RAP1GDS1: variants seen among roughly 807,000 people sequenced by gnomAD.
RAP1GDS1 encodes RAP1, GTP-GDP dissociation stimulator 1.
A neutral mutation model predicts 71.1 loss-of-function variants in RAP1GDS1; 35 were observed. The ratio of observed to expected loss-of-function variants is 0.49; its 90% confidence interval spans 0.38 to 0.65. The LOEUF is 0.65. RAP1GDS1 is among the 30% of genes least tolerant of loss of function. RAP1GDS1 has a pLI of 0.00. For missense variants in RAP1GDS1, 663 were observed against 706.1 expected (o/e 0.94, Z 0.69); for synonymous variants, 229 against 243.1 (o/e 0.94, Z 0.54).
intron 5 of RAP1GDS1, among the ~76,000 whole-genome samples, chr4:98,387,117 A>T (rs1178431518): frequency 1.3e-5 from 2 of 152,192 alleles, no homozygotes; most frequent in Non-Finnish European, 2.9e-5. Flanking sequence ...GCAATATCAT[A>T]TCATTATACT....
At chr4:98,409,103 T>A (rs982929788) in intron 7 of RAP1GDS1, among the ~76,000 whole-genome samples, 3 of 152,186 alleles carry the variant, frequency 2.0e-5, no homozygotes, top group Non-Finnish European at 4.4e-5. Flanking sequence ...ATTATGCATA[T>A]TTAATTCAAA....
intron 1 of RAP1GDS1, among the ~76,000 whole-genome samples, chr4:98,269,152 A>C (rs1358513145): frequency 6.9e-6 from 1 of 144,120 alleles, no homozygotes; most frequent in Non-Finnish European, 1.5e-5. Context: ...TAAACCCAAG[A>C]ATTTACAGTC....
chr4:98,332,397 C>A (rs539757846), intron 2 of RAP1GDS1, among the ~76,000 whole-genome samples: 1 of 152,038 alleles, frequency 6.6e-6, no homozygotes, highest in Non-Finnish European at 1.5e-5. Flanking sequence ...TCCTTCAAGA[C>A]AGAACATTTC....
At chr4:98,402,470 C>T (rs765083280) in intron 6 of RAP1GDS1, among the ~76,000 whole-genome samples, 5 of 152,122 alleles carry the variant, frequency 3.3e-5, no homozygotes, top group Non-Finnish European at 7.3e-5. Context: ...AGACACCCTA[C>T]CCTTACTTTT....
chr4:98,330,534 C>T, intron 2 of RAP1GDS1, among the ~76,000 whole-genome samples: 1 of 149,014 alleles, frequency 6.7e-6, no homozygotes, highest in Non-Finnish European at 1.5e-5. Context: ...AGGCGCTCCT[C>T]ACCTCCCAGA....
intron 1 of RAP1GDS1, 82 bp downstream of exon 1, chr4:98,261,651 C>T: frequency 1.3e-6 from 2 of 1,494,560 alleles, no homozygotes; most frequent in East Asian, 2.4e-5. Flanking sequence ...ATTTCTCGCG[C>T]AAAGTTGCCG....
rs188996719 is a variant in RAP1GDS1, at chr4:98,326,418, T to C, written c.113-16721T>C. 8.1e-4 allele frequency among the ~76,000 whole-genome samples: 124 copies of C among 152,328 alleles called. 1 individual carries two copies. In the Middle Eastern group the frequency reaches 0.01, roughly 13 times the overall value. On this transcript the variant is annotated intron_variant, in intron 2 of 14. Coordinates refer to ENST00000408927, the MANE Select transcript of RAP1GDS1 (RefSeq NM_001100427.2). ...CCATTCTCAACCCCTTTCTTGAACC[T>C]CATTCGATAACTGCTGAATTTCTTT... is the stretch of plus-strand genomic sequence containing the variant.
Position 98,436,964 on chromosome 4 carries a change from G to A in RAP1GDS1, c.1592G>A (p.Ser531Asn). The A allele has an allele frequency of 6.2e-7, 1 of 1,609,048 alleles. No homozygotes were observed. Among genetic ancestry groups the A allele is most frequent in the East Asian group, 2.2e-5 (1 of 44,708 alleles). ...ELGTAEKDLE[S>N]AKLVQILHRL... ...GGCACTGCTGAGAAAGATCTAGAAA[G>A]TGCTAAACTTGTACAGATTTTACAT... Residue 531 changes from serine (S) to asparagine (N), a missense_variant, in exon 14 of 15, where the codon AGT (serine) becomes AAT (asparagine). Ser to Asn is a conservative substitution (Grantham distance 46). Transcript: ENST00000408927.
chr4:98,261,800 G>A (rs1722017854), intron 1 of RAP1GDS1, among the ~76,000 whole-genome samples: 1 of 151,840 alleles, frequency 6.6e-6, no homozygotes, highest in African/African-American at 2.4e-5. Flanking sequence ...CCGGACCGCC[G>A]CCCGGCTCCC....
At chr4:98,386,713 C>T (rs186847531) in intron 5 of RAP1GDS1, among the ~76,000 whole-genome samples, 46 of 151,792 alleles carry the variant, frequency 3.0e-4, no homozygotes, top group African/African-American at 1.1e-3. Context: ...TGTAAGTAAT[C>T]TAGTTTTTAT....
chr4:98,404,726 G>A (rs10003061), intron 7 of RAP1GDS1, 124 bp downstream of exon 7: 19,514 of 1,192,754 alleles, frequency 0.016, 548 homozygotes, highest in African/African-American at 0.12. Context: ...GTTTTATTTT[G>A]CATATCTCTA....
At chr4:98,428,077 T>C (rs1355961457) in intron 12 of RAP1GDS1, among the ~76,000 whole-genome samples, 2 of 152,208 alleles carry the variant, frequency 1.3e-5, no homozygotes, top group African/African-American at 4.8e-5. Context: ...AACTGATCTT[T>C]GACAAAGCAA....
At chr4:98,412,282 G>A (rs966115352) in intron 7 of RAP1GDS1, among the ~76,000 whole-genome samples, 10 of 152,138 alleles carry the variant, frequency 6.6e-5, no homozygotes, top group African/African-American at 1.2e-4. Flanking sequence ...GGAGGCCAAG[G>A]CAGGAAGATT....
intron 2 of RAP1GDS1, among the ~76,000 whole-genome samples, 181 bp downstream of exon 2, chr4:98,293,696 C>A (rs760503378): frequency 6.6e-6 from 1 of 152,032 alleles, no homozygotes; most frequent in East Asian, 1.9e-4. Flanking sequence ...TCCACGCCCC[C>A]GCAAGATCCT....
chr4:98,337,925 A>T (rs941273372), intron 2 of RAP1GDS1, among the ~76,000 whole-genome samples: 3 of 152,138 alleles, frequency 2.0e-5, no homozygotes, highest in African/African-American at 7.2e-5. Context: ...GATGTGGAGG[A>T]TTGCTTAAAA....
At chr4:98,396,844 A>C (rs1468968683) in intron 6 of RAP1GDS1, 2 of 152,242 alleles carry the variant, frequency 1.3e-5, no homozygotes, top group Admixed American at 6.5e-5. Flanking sequence ...TCTGAATATG[A>C]CATATTACTA....
At position 98,391,998 on chromosome 4, in the gene RAP1GDS1, A is replaced by G; in HGVS notation, c.555A>G (p.Leu185=). ...QLINMGVIPT[L]VKLLGIHCQN... The stretch of plus-strand genomic sequence containing the variant: ...TCAATATGGGTGTTATTCCTACCTT[A>G]GTGAAATTACTGGGCATCCACTGCC... The change falls in exon 6 of 15, where the codon TTA becomes TTG. Residue 185 remains leucine (L), a synonymous_variant. Coordinates refer to ENST00000408927, the MANE Select transcript of RAP1GDS1 (RefSeq NM_001100427.2). 1 of 1,611,068 alleles carries G rather than the reference A, an allele frequency of 6.2e-7. No individual in the cohort carries two copies. The highest frequency in any genetic ancestry group is 8.5e-7 in the Non-Finnish European group (1 of 1,177,876).
At chr4:98,428,662 A>G (rs1749959820) in intron 12 of RAP1GDS1, among the ~76,000 whole-genome samples, 1 of 152,212 alleles carries the variant, frequency 6.6e-6, no homozygotes, top group African/African-American at 2.4e-5. Context: ...TACCCATGCA[A>G]GAATGTCCAT....
intron 5 of RAP1GDS1, among the ~76,000 whole-genome samples, chr4:98,382,840 C>A (rs890246058): frequency 6.6e-6 from 1 of 151,562 alleles, no homozygotes; most frequent in African/African-American, 2.4e-5. Context: ...AGAACCATTA[C>A]AAACTCTTTC....
Sources: allele counts gnomAD v4.1 joint callset (sites outside exome capture counted in the v4.1 genomes callset), GRCh38; gene constraint gnomAD v4.1.1; transcripts MANE v1.5; gene names NCBI Gene and HGNC (gene_info 2026-07-23, HGNC 2026-07-21).